Variants in WWOX observed in about 807,000 individuals in gnomAD.
The protein encoded by WWOX is WW domain containing oxidoreductase, also known as WW domain-containing oxidoreductase.
In WWOX, 69 loss-of-function variants were observed where a neutral mutation model predicts 46.2. The ratio of observed to expected loss-of-function variants is 1.49; its 90% CI spans 1.23 to 1.82. The LOEUF is 1.82. Among genes scored for constraint, WWOX ranks in the 40% most tolerant of loss-of-function variants. The pLI, the probability that WWOX is intolerant of heterozygous loss-of-function variation, is 0.00. For synonymous variants in WWOX, 359 were observed against 202.6 expected (o/e 1.77, Z -6.56); for missense variants, 919 against 542.6 (o/e 1.69, Z -6.89).
intron 8 of WWOX, among the ~76,000 whole-genome samples, chr16:78,512,480 C>CT (rs2151488248): frequency 6.6e-6 from 1 of 152,238 alleles, no homozygotes; most frequent in African/African-American, 2.4e-5. Flanking sequence ...CATTTTATCA[C>CT]TTTAAATTAT....
At chr16:78,728,327 C>A (rs1022573233) in intron 8 of WWOX, among the ~76,000 whole-genome samples, 2 of 152,014 alleles carry the variant, frequency 1.3e-5, no homozygotes, top group Non-Finnish European at 2.9e-5. Context: ...GCCTTGGCCT[C>A]CCAAAGTGCT....
intron 5 of WWOX, among the ~76,000 whole-genome samples, chr16:78,336,571 T>G (rs1234152868): frequency 1.3e-5 from 2 of 149,814 alleles, no homozygotes; most frequent in Non-Finnish European, 3.0e-5. Flanking sequence ...AGGAGTCTTG[T>G]GGAAGACAAT....
At chr16:79,087,982 T>C (rs1014355501) in intron 8 of WWOX, among the ~76,000 whole-genome samples, 3 of 152,170 alleles carry the variant, frequency 2.0e-5, no homozygotes, top group African/African-American at 7.2e-5. Flanking sequence ...TCTCCTTGGC[T>C]TCTCTCTTCC....
chr16:78,813,136 G>A (rs529370426), intron 8 of WWOX, among the ~76,000 whole-genome samples: 3 of 146,098 alleles, frequency 2.1e-5, no homozygotes, highest in African/African-American at 7.6e-5. Context: ...GTGGTTGATT[G>A]TTTTTTAGGA....
At chr16:78,919,068 G>T (rs1018104390) in intron 8 of WWOX, among the ~76,000 whole-genome samples, 18 of 152,132 alleles carry the variant, frequency 1.2e-4, no homozygotes, top group Non-Finnish European at 1.9e-4. Flanking sequence ...AAGGGGGGCT[G>T]TTCCTGTTCC....
At chr16:79,155,649 T>C (rs1048773865) in intron 8 of WWOX, among the ~76,000 whole-genome samples, 1 of 145,628 alleles carries the variant, frequency 6.9e-6, no homozygotes, top group Non-Finnish European at 1.5e-5. Flanking sequence ...CATGAATTGC[T>C]TGGGGGATTG....
At chr16:78,435,524 G>A (rs909718107) in intron 8 of WWOX, among the ~76,000 whole-genome samples, 2 of 152,206 alleles carry the variant, frequency 1.3e-5, no homozygotes, top group African/African-American at 2.4e-5. Context: ...GGGAAAATGA[G>A]TGTGTAGCTC....
intron 8 of WWOX, among the ~76,000 whole-genome samples, chr16:78,977,468 A>G (rs1461696220): frequency 2.6e-5 from 4 of 152,200 alleles, no homozygotes; most frequent in East Asian, 1.9e-4. Context: ...AGATGAGCTC[A>G]GTAGGCCTGT....
intron 5 of WWOX, among the ~76,000 whole-genome samples, chr16:78,204,187 C>G (rs754215677): frequency 2.0e-5 from 3 of 152,196 alleles, no homozygotes; most frequent in Non-Finnish European, 4.4e-5. Flanking sequence ...ATGTGAAAAG[C>G]TATTTATTAC....
At chr16:78,603,170 C>T (rs945350424) in intron 8 of WWOX, among the ~76,000 whole-genome samples, 4 of 152,196 alleles carry the variant, frequency 2.6e-5, no homozygotes, top group South Asian at 2.1e-4. Flanking sequence ...TTATGCACAT[C>T]ATCTTCTAAC....
intron 8 of WWOX, among the ~76,000 whole-genome samples, chr16:78,452,983 G>A (rs1266634974): frequency 6.6e-6 from 1 of 151,308 alleles, no homozygotes; most frequent in African/African-American, 2.4e-5. Context: ...CTTGGCCTAA[G>A]TGATCCTCCT....
chr16:78,747,630 C>A (rs1047221645), intron 8 of WWOX, among the ~76,000 whole-genome samples: 9 of 152,114 alleles, frequency 5.9e-5, no homozygotes, highest in Admixed American at 5.2e-4. Context: ...CCCTGCCTCT[C>A]CTCACCCACT....
intron 8 of WWOX, among the ~76,000 whole-genome samples, chr16:79,031,708 A>G (rs958680168): frequency 2.0e-5 from 3 of 147,640 alleles, no homozygotes; most frequent in Admixed American, 1.4e-4. Context: ...TATTTTTTCT[A>G]GTTTTTTTGT....
intron 8 of WWOX, among the ~76,000 whole-genome samples, chr16:78,553,753 T>C (rs16948072): frequency 0.022 from 3,362 of 151,640 alleles, 141 homozygotes; most frequent in African/African-American, 0.078. Context: ...GTGACCAGAG[T>C]AAGTGAAGTC....
chr16:78,917,484 T>G (rs1169037655), intron 8 of WWOX, among the ~76,000 whole-genome samples: 9 of 147,682 alleles, frequency 6.1e-5, no homozygotes, highest in Non-Finnish European at 1.0e-4. Flanking sequence ...GCTGGCTGAT[T>G]TTTTTTTCCT....
chr16:78,712,957 C>G (rs922188577), intron 8 of WWOX, among the ~76,000 whole-genome samples: 3 of 151,814 alleles, frequency 2.0e-5, no homozygotes, highest in African/African-American at 7.3e-5. Flanking sequence ...GGCAGGCTGC[C>G]AAGAATAGCA....
intron 8 of WWOX, among the ~76,000 whole-genome samples, chr16:78,531,616 G>A (rs1445450606): frequency 2.6e-5 from 4 of 152,148 alleles, no homozygotes; most frequent in Non-Finnish European, 5.9e-5. Context: ...TCTGAGGCAG[G>A]TGAATCACTT....
At chr16:79,048,198 T>C (rs907834809) in intron 8 of WWOX, among the ~76,000 whole-genome samples, 1 of 152,138 alleles carries the variant, frequency 6.6e-6, no homozygotes, top group African/African-American at 2.4e-5. Context: ...TTTTTTGAAC[T>C]GAAGGGCAGG....
chr16:78,564,152 A>G (rs1229272801), intron 8 of WWOX, among the ~76,000 whole-genome samples: 3 of 152,168 alleles, frequency 2.0e-5, no homozygotes, highest in Admixed American at 6.5e-5. Context: ...CCCAGCCCAA[A>G]TTGCTGACTC....
Sources: gnomAD v4.1 joint callset for allele counts (sites outside exome capture counted in the v4.1 genomes callset) on GRCh38, gnomAD v4.1.1 for gene constraint, MANE v1.5 for transcripts, NCBI Gene and HGNC (gene_info 2026-07-23, HGNC 2026-07-21) for gene names.